GARRE1: variants seen among roughly 807,000 people sequenced by gnomAD.
GARRE1 encodes granule associated Rac and RHOG effector 1.
Under a neutral mutation model 103.2 loss-of-function variants are expected in GARRE1, and 49 were observed. The ratio of observed to expected loss-of-function variants is 0.47; its 90% CI spans 0.38 to 0.60. The LOEUF is 0.60. GARRE1 is among the 20% of genes least tolerant of loss of function. The pLI is 0.00. For missense variants in GARRE1, 1,199 were observed against 1,370.5 expected (o/e 0.87, Z 1.98); for synonymous variants, 505 against 532.8 (o/e 0.95, Z 0.72).
At chr19:34,287,161 T>G (rs1172096944) in intron 1 of GARRE1, among the ~76,000 whole-genome samples, 1 of 151,282 alleles carries the variant, frequency 6.6e-6, no homozygotes, top group Non-Finnish European at 1.5e-5. Flanking sequence ...AAAAAGTGTA[T>G]TCTCTGCTTC....
intron 9 of GARRE1, 84 bp from the exon 10 acceptor site, chr19:34,341,338 C>T (rs771508411): frequency 6.2e-5 from 74 of 1,195,346 alleles, no homozygotes; most frequent in East Asian, 1.0e-4. Context: ...TTGCTCTCAA[C>T]GCCATTCTTA....
intron 1 of GARRE1, among the ~76,000 whole-genome samples, chr19:34,277,913 C>A (rs79520247): frequency 3.7e-4 from 36 of 96,670 alleles, no homozygotes; most frequent in Non-Finnish European, 5.5e-4. Context: ...CCCCCCCCCC[C>A]ACCCCCAGCA....
Position 34,352,848 on chromosome 19 carries a change from A to ACGCCCCCC in GARRE1, c.3107_3108insGCCCCCCC (p.Gln1039ProfsTer55). On this transcript the variant is annotated frameshift_variant, in exon 14 of 14. Coordinates refer to ENST00000299505, the MANE Select transcript of GARRE1 (RefSeq NM_014686.5). LOFTEE classifies it high-confidence loss of function. ...TGCCGCTGCCTTCTCCTATGTGCAG[A>ACGCCCCCC]CCCCACCCCAGCCCCCACCCCCACC... is the stretch of plus-strand genomic sequence containing the variant. 21 of 1,591,586 alleles carry ACGCCCCCC rather than the reference A, an allele frequency of 1.3e-5. No individual in the cohort carries two copies. The highest frequency in any genetic ancestry group is 1.8e-5 in the Non-Finnish European group (21 of 1,166,570).
intron 9 of GARRE1, among the ~76,000 whole-genome samples, chr19:34,341,025 T>TC (rs994846289): frequency 6.6e-6 from 1 of 152,076 alleles, no homozygotes; most frequent in Non-Finnish European, 1.5e-5. Context: ...TATCCCTGCA[T>TC]CCCCCCACCA....
At chr19:34,286,346 AG>A (rs1173552103) in intron 1 of GARRE1, among the ~76,000 whole-genome samples, 1 of 151,630 alleles carries the variant, frequency 6.6e-6, no homozygotes, top group East Asian at 1.9e-4. Context: ...CAGTCTCCCG[AG>A]TAGCTGGGAC....
intron 2 of GARRE1, among the ~76,000 whole-genome samples, chr19:34,307,515 A>G (rs1380832477): frequency 6.6e-6 from 1 of 150,450 alleles, no homozygotes; most frequent in Admixed American, 6.7e-5. Context: ...ACTTATATGT[A>G]TATATACGTA....
At chr19:34,352,472 C>A (rs1289260505) in intron 13 of GARRE1, among the ~76,000 whole-genome samples, 175 bp from the exon 14 acceptor site, 1 of 151,546 alleles carries the variant, frequency 6.6e-6, no homozygotes, top group East Asian at 1.9e-4. Context: ...CATACTAGAC[C>A]GTATAGGCAC....
chr19:34,353,006 G>A lies in GARRE1; in HGVS notation c.*51G>A, dbSNP rs1374934679. The A allele has an allele frequency of 6.9e-7, 1 of 1,459,080 alleles. No individual in the cohort carries two copies. Among genetic ancestry groups the A allele is most frequent in the Non-Finnish European group, 9.1e-7 (1 of 1,093,836 alleles). 90.4% of individuals were successfully genotyped at this position (1,459,080 alleles called of 1,614,324 possible). A position where few individuals can be genotyped will look rare whatever the true frequency, so the allele number is the denominator to read the frequency against. On this transcript the variant is annotated 3_prime_UTR_variant, in exon 14 of 14. Coordinates refer to ENST00000299505, the MANE Select transcript of GARRE1 (RefSeq NM_014686.5). ...TGCCTGCCTGCCCGCCCAGAGCTGT[G>A]GGGATGAGTGTCCCCACCCCAGGGC...
At chr19:34,349,746 C>G (rs1045059074) in intron 12 of GARRE1, among the ~76,000 whole-genome samples, 1 of 152,108 alleles carries the variant, frequency 6.6e-6, no homozygotes, top group South Asian at 2.1e-4. Flanking sequence ...CCCAGGCACT[C>G]GAAGCCATGC....
intron 1 of GARRE1, among the ~76,000 whole-genome samples, chr19:34,256,548 G>C (rs1267627730): frequency 6.6e-6 from 1 of 151,094 alleles, no homozygotes; most frequent in Non-Finnish European, 1.5e-5. Context: ...ATTCATGTTT[G>C]CGTCTCATCG....
chr19:34,326,804 C>CAT (rs919223150), intron 3 of GARRE1, among the ~76,000 whole-genome samples: 6 of 150,970 alleles, frequency 4.0e-5, no homozygotes, highest in African/African-American at 9.8e-5. Flanking sequence ...TGTGTATATA[C>CAT]ATATATATAT....
intron 1 of GARRE1, among the ~76,000 whole-genome samples, chr19:34,259,218 C>T (rs188393504): frequency 7.2e-5 from 11 of 152,224 alleles, no homozygotes; most frequent in Admixed American, 7.2e-4. Flanking sequence ...ATCAAGGTGT[C>T]CTGTCCTTCC....
At chr19:34,259,218 C>G (rs188393504) in intron 1 of GARRE1, among the ~76,000 whole-genome samples, 1 of 152,342 alleles carries the variant, frequency 6.6e-6, no homozygotes, top group Admixed American at 6.5e-5. Context: ...ATCAAGGTGT[C>G]CTGTCCTTCC....
Position 34,347,119 on chromosome 19 carries a change from C to A in GARRE1, c.2522-758C>A, listed in dbSNP as rs1481331641. Reference sequence around the variant, plus strand: ...TTTTTTTTTTTTTGAGACAGAGTCTCACTCTTTCGCCCAGACTGGAGTGCA... The same window carrying A: ...TTTTTTTTTTTTTGAGACAGAGTCTAACTCTTTCGCCCAGACTGGAGTGCA... On this transcript the variant is annotated intron_variant, in intron 10 of 13. Transcript: ENST00000299505. Among the ~76,000 whole-genome samples, 3 of 149,784 alleles carry A rather than the reference C, an allele frequency of 2.0e-5. No homozygotes were observed. In the East Asian group the frequency reaches 5.9e-4, roughly 29 times the overall value.
intron 1 of GARRE1, among the ~76,000 whole-genome samples, chr19:34,264,720 G>C (rs2073741347): frequency 6.6e-6 from 1 of 152,158 alleles, no homozygotes; most frequent in Non-Finnish European, 1.5e-5. Context: ...TTATATGGCA[G>C]AGTTTTTCTT....
rs149327354 is a variant in GARRE1 at position 34,327,538 on chromosome 19, A to T, written c.823A>T (p.Ile275Leu). 1 of 1,614,044 alleles carries T rather than the reference A, an allele frequency of 6.2e-7. No individual in the cohort carries two copies. The highest frequency in any genetic ancestry group is 8.5e-7 in the Non-Finnish European group (1 of 1,179,994). Residue 275 changes from isoleucine to leucine, a missense_variant, in exon 4 of 14, where the codon ATA (isoleucine) becomes TTA (leucine). Transcript: ENST00000299505. ...IPEHQLKELN[I>L]KIDSALQAYK... ...TGAGCACCAGCTAAAAGAACTGAACATAAAAATCGACAGTGCTTTGCAAGT... is the reference window on the plus strand; with the variant it reads ...TGAGCACCAGCTAAAAGAACTGAACTTAAAAATCGACAGTGCTTTGCAAGT...
intron 1 of GARRE1, among the ~76,000 whole-genome samples, chr19:34,264,396 G>A (rs1280292334): frequency 6.6e-6 from 1 of 151,896 alleles, no homozygotes; most frequent in Non-Finnish European, 1.5e-5. Flanking sequence ...GTGATGACAT[G>A]TCTTTTTTTT....
At chr19:34,277,901 ACCCC>A (rs57721089) in intron 1 of GARRE1, among the ~76,000 whole-genome samples, 1,873 of 93,852 alleles carry the variant, frequency 0.02, 101 homozygotes, top group African/African-American at 0.063. Flanking sequence ...GCTTGATTTC[ACCCC>A]CCCCCCCCAC....
chr19:34,330,748 TTG>T (rs1555710003), intron 7 of GARRE1, among the ~76,000 whole-genome samples: 20 of 128,384 alleles, frequency 1.6e-4, no homozygotes, highest in African/African-American at 4.5e-4. Flanking sequence ...TTTTTTTTTT[TTG>T]TGTGTGTGTG....
Sources: allele counts gnomAD v4.1 joint callset (sites outside exome capture counted in the v4.1 genomes callset), GRCh38; gene constraint gnomAD v4.1.1; transcripts MANE v1.5; gene names NCBI Gene and HGNC (gene_info 2026-07-23, HGNC 2026-07-21).